RBFOX2: variants seen among roughly 807,000 people sequenced by gnomAD.
RBFOX2 encodes RNA binding protein fox-1 homolog 2.
Under a neutral mutation model 49.1 loss-of-function variants are expected in RBFOX2, and 10 were observed. The observed-to-expected ratio is 0.20, with a 90% CI of 0.13 to 0.35. RBFOX2 has a LOEUF of 0.35. Ranked by LOEUF, RBFOX2 falls within the 10% of genes least tolerant of loss-of-function variation. RBFOX2 has a pLI of 1.00. For synonymous variants in RBFOX2, 183 were observed against 187.4 expected (o/e 0.98, Z 0.19); for missense variants, 323 against 486.9 (o/e 0.66, Z 3.17).
At chr22:35,899,566 C>CAAAAAA (rs398061920) in intron 1 of RBFOX2, among the ~76,000 whole-genome samples, 1 of 90,088 alleles carries the variant, frequency 1.1e-5, no homozygotes, top group African/African-American at 3.3e-5. Context: ...TAAAACAAAA[C>CAAAAAA]AAAAAAAAAA....
chr22:35,744,090 T>G (rs1167675250), exon 12 of RBFOX2: 2 of 891,710 alleles, frequency 2.2e-6, no homozygotes, highest in Non-Finnish European at 3.1e-6. Flanking sequence ...TTTTTTTGTT[T>G]GTTTGTTTGT....
chr22:35,990,881 A>G (rs1040343044), intron 1 of RBFOX2, among the ~76,000 whole-genome samples: 16 of 152,216 alleles, frequency 1.1e-4, no homozygotes, highest in Non-Finnish European at 1.9e-4. Context: ...ACCCAAGGGT[A>G]TAGGATTTTA....
intron 1 of RBFOX2, among the ~76,000 whole-genome samples, chr22:35,881,701 C>T (rs2045928251): frequency 6.6e-6 from 1 of 151,876 alleles, no homozygotes; most frequent in East Asian, 1.9e-4. Context: ...TGGCTCACAC[C>T]TATAATCCCA....
intron 2 of RBFOX2, among the ~76,000 whole-genome samples, chr22:35,782,975 A>C (rs1254804520): frequency 2.6e-5 from 4 of 152,216 alleles, no homozygotes; most frequent in Non-Finnish European, 5.9e-5. Context: ...GTTTCAAGAC[A>C]GGACAGCTAC....
chr22:35,823,336 C>CT (rs1213548459), intron 1 of RBFOX2, among the ~76,000 whole-genome samples: 3 of 152,256 alleles, frequency 2.0e-5, no homozygotes, highest in Non-Finnish European at 4.4e-5. Context: ...CACTAGCAAG[C>CT]AGCCTCCTTG....
chr22:35,787,761 G>A (rs1487864866), intron 2 of RBFOX2, among the ~76,000 whole-genome samples: 4 of 152,158 alleles, frequency 2.6e-5, no homozygotes, highest in African/African-American at 9.7e-5. Context: ...GCTAGCTGCT[G>A]AGCACCTTTA....
intron 1 of RBFOX2, among the ~76,000 whole-genome samples, chr22:35,915,054 A>G (rs1780830370): frequency 6.6e-6 from 1 of 152,222 alleles, no homozygotes; most frequent in Non-Finnish European, 1.5e-5. Context: ...GCCATTACAG[A>G]GAGAAACCAG....
chr22:35,892,618 A>G (rs1421844157), intron 1 of RBFOX2, among the ~76,000 whole-genome samples: 1 of 152,214 alleles, frequency 6.6e-6, no homozygotes, highest in Non-Finnish European at 1.5e-5. Flanking sequence ...GAATACTCAG[A>G]AAGAGTGCCT....
chr22:35,986,078 C>T (rs937937997), intron 1 of RBFOX2, among the ~76,000 whole-genome samples: 2 of 152,194 alleles, frequency 1.3e-5, no homozygotes, highest in East Asian at 3.9e-4. Context: ...GCAGCCAGTC[C>T]GCTATATTTT....
chr22:35,933,807 T>C (rs2149700154), intron 1 of RBFOX2, among the ~76,000 whole-genome samples: 1 of 151,846 alleles, frequency 6.6e-6, no homozygotes, highest in East Asian at 1.9e-4. Context: ...TCTCTCCTAT[T>C]TGCCCCCAAG....
chr22:35,828,479 A>T (rs1196357781), intron 1 of RBFOX2, among the ~76,000 whole-genome samples: 2 of 152,212 alleles, frequency 1.3e-5, no homozygotes, highest in African/African-American at 4.8e-5. Flanking sequence ...AGAGAGAAAG[A>T]GAGCTCTAAA....
chr22:35,877,869 C>A (rs1176042185), intron 1 of RBFOX2, among the ~76,000 whole-genome samples: 1 of 151,974 alleles, frequency 6.6e-6, no homozygotes, highest in African/African-American at 2.4e-5. Context: ...AAAAAAATCA[C>A]AGGTAAAAAA....
chr22:35,760,959 A>G (rs1165350601), intron 8 of RBFOX2, among the ~76,000 whole-genome samples: 1 of 152,224 alleles, frequency 6.6e-6, no homozygotes, highest in Non-Finnish European at 1.5e-5. Context: ...ACAGACTAAA[A>G]TATTCTTCAT....
At chr22:35,792,286 A>G (rs1380444881) in intron 2 of RBFOX2, among the ~76,000 whole-genome samples, 1 of 147,024 alleles carries the variant, frequency 6.8e-6, no homozygotes, top group African/African-American at 2.5e-5. Flanking sequence ...ACTGCAGTCC[A>G]GCCTGGGTGA....
chr22:35,904,147 G>A (rs2048882211), intron 1 of RBFOX2, among the ~76,000 whole-genome samples: 1 of 151,696 alleles, frequency 6.6e-6, no homozygotes. Flanking sequence ...TTGCAAGCCA[G>A]GCTCCTTCTT....
chr22:35,852,467 A>G (rs550063754), intron 1 of RBFOX2, among the ~76,000 whole-genome samples: 21 of 151,458 alleles, frequency 1.4e-4, no homozygotes, highest in Admixed American at 3.3e-4. Flanking sequence ...CCTGGGCAAC[A>G]TAGTGACACC....
chr22:35,885,313 G>GT (rs1231468562), intron 1 of RBFOX2, among the ~76,000 whole-genome samples: 2 of 151,988 alleles, frequency 1.3e-5, no homozygotes, highest in Non-Finnish European at 2.9e-5. Flanking sequence ...AAACCATGAT[G>GT]TTTTTTACCT....
At chr22:35,972,529 A>G (rs776436463) in intron 1 of RBFOX2, among the ~76,000 whole-genome samples, 9 of 151,996 alleles carry the variant, frequency 5.9e-5, no homozygotes, top group Admixed American at 1.3e-4. Context: ...AAGTAGCCAT[A>G]TGGCTTGGAA....
intron 1 of RBFOX2, among the ~76,000 whole-genome samples, chr22:35,975,003 A>G (rs2057073925): frequency 6.6e-6 from 1 of 152,208 alleles, no homozygotes; most frequent in Non-Finnish European, 1.5e-5. Flanking sequence ...GGCTTCTCAA[A>G]CTGTGAGGAG....
Sources: allele counts gnomAD v4.1 joint callset (sites outside exome capture counted in the v4.1 genomes callset), GRCh38; gene constraint gnomAD v4.1.1; transcripts MANE v1.5; gene names NCBI Gene and HGNC (gene_info 2026-07-23, HGNC 2026-07-21).